Variants in NPHP4 observed in about 807,000 individuals in gnomAD.
NPHP4 encodes the protein nephrocystin-4.
In NPHP4, 151 loss-of-function variants were observed where a neutral mutation model predicts 155.8. The ratio of observed to expected loss-of-function variants is 0.97; its 90% CI spans 0.85 to 1.11. NPHP4 has a LOEUF of 1.11. Ranked by LOEUF, NPHP4 falls within the 50% of genes least tolerant of loss-of-function variation. NPHP4 has a pLI of 0.00. For synonymous variants in NPHP4, 845 were observed against 816.8 expected (o/e 1.03, Z -0.59); for missense variants, 1,956 against 1,925.7 (o/e 1.02, Z -0.29).
At chr1:5,872,313 G>T (rs193293220) in intron 23 of NPHP4, among the ~76,000 whole-genome samples, 1 of 152,216 alleles carries the variant, frequency 6.6e-6, no homozygotes, top group African/African-American at 2.4e-5. Flanking sequence ...GGTAAGGCCC[G>T]TCTTTGCTGC....
At chr1:5,916,353 G>A (rs150957294) in intron 11 of NPHP4, among the ~76,000 whole-genome samples, 2,139 of 152,260 alleles carry the variant, frequency 0.014, 40 homozygotes, top group Middle Eastern at 0.065. Context: ...AAATACTGAA[G>A]TATGAAAAGT....
rs533621639 is a variant in NPHP4 at position 5,980,013 on chromosome 1, C to T, written c.136-1600G>A. Among the ~76,000 whole-genome samples, 14 of 152,254 alleles carry T rather than the reference C, an allele frequency of 9.2e-5. 1 individual carries two copies. The South Asian group carries it at 2.7e-3, about 29-fold the overall frequency. ...TGGCTCACACACCCCAGGAGTCCCA[C>T]CCTCTGCCATGGTCTCTCAGGGTCA... On this transcript the variant is annotated intron_variant, in intron 2 of 29. Coordinates refer to ENST00000378156, the MANE Select transcript of NPHP4 (RefSeq NM_015102.5).
intron 11 of NPHP4, among the ~76,000 whole-genome samples, chr1:5,921,819 T>C (rs1645752841): frequency 6.6e-6 from 1 of 152,262 alleles, no homozygotes; most frequent in Non-Finnish European, 1.5e-5. Flanking sequence ...TTTATTATTG[T>C]ACATGACATG....
chr1:5,986,270 A>T lies in NPHP4; in HGVS notation c.20T>A (p.Ile7Asn), dbSNP rs375883167. 17 of 1,613,714 alleles carry T rather than the reference A, an allele frequency of 1.1e-5. No homozygotes were observed. The highest frequency in any genetic ancestry group is 1.7e-5 in the Admixed American group (1 of 59,988). ...AGGGACAAGCACGTTTTGGGTGAAGATCCTGTGCCAGTCGTTCATCCTGCC... is the reference window on the plus strand; with the variant it reads ...AGGGACAAGCACGTTTTGGGTGAAGTTCCTGTGCCAGTCGTTCATCCTGCC... Reference protein sequence around the residue: MNDWHRIFTQNVLVPPH... With the variant: MNDWHRNFTQNVLVPPH... Residue 7 changes from isoleucine to asparagine, a missense_variant, in exon 2 of 30, where the codon ATC (isoleucine) becomes AAC (asparagine). By Grantham distance (149) the Ile-to-Asn change is moderately radical. Coordinates refer to ENST00000378156, the MANE Select transcript of NPHP4 (RefSeq NM_015102.5).
intron 9 of NPHP4, among the ~76,000 whole-genome samples, chr1:5,937,104 G>A (rs1646581352): frequency 6.6e-6 from 1 of 152,186 alleles, no homozygotes; most frequent in Non-Finnish European, 1.5e-5. Context: ...AACCTCCGGA[G>A]GAACTCAGTC....
chr1:5,904,974 C>A (rs930073320), intron 15 of NPHP4, among the ~76,000 whole-genome samples, 170 bp from the exon 16 acceptor site: 25 of 152,202 alleles, frequency 1.6e-4, no homozygotes. Flanking sequence ...AGCAAGCCGG[C>A]CAGACAGCAG....
At position 5,936,755 on chromosome 1, in the gene NPHP4, C is replaced by A. The variant is rs535523126; in HGVS notation, c.1120-3426G>T. 3.0e-4 allele frequency among the ~76,000 whole-genome samples: 46 copies of A among 152,306 alleles called. 2 individuals carry two copies. In the South Asian group the frequency reaches 7.0e-3, roughly 23 times the overall value. On this transcript the variant is annotated intron_variant, in intron 9 of 29. Transcript: ENST00000378156. Reference sequence around the variant, plus strand: ...AGGCCCTTGGCCTCTGGAAATGCTACAAACCAGAGTCCCTGTGGCGGGCTC... The same window carrying A: ...AGGCCCTTGGCCTCTGGAAATGCTAAAAACCAGAGTCCCTGTGGCGGGCTC...
intron 18 of NPHP4, 176 bp from the exon 19 acceptor site, chr1:5,880,415 G>A (rs910573110): frequency 2.3e-5 from 14 of 612,720 alleles, no homozygotes; most frequent in East Asian, 1.7e-4. Flanking sequence ...GTGGGAGCTC[G>A]TTCTGCTGCG....
At chr1:5,911,384 G>A (rs146978252) in intron 11 of NPHP4, among the ~76,000 whole-genome samples, 4 of 152,322 alleles carry the variant, frequency 2.6e-5, no homozygotes, top group Admixed American at 2.0e-4. Context: ...TGATAATGAG[G>A]ACAAATTGCC....
At chr1:5,951,283 G>A (rs898219231) in intron 7 of NPHP4, among the ~76,000 whole-genome samples, 2 of 152,222 alleles carry the variant, frequency 1.3e-5, no homozygotes, top group Non-Finnish European at 2.9e-5. Flanking sequence ...GCGCTTCTGC[G>A]GGACTCATCA....
intron 6 of NPHP4, among the ~76,000 whole-genome samples, chr1:5,955,547 C>T (rs1001572671): frequency 2.0e-5 from 3 of 152,246 alleles, no homozygotes; most frequent in Admixed American, 6.5e-5. Context: ...GGAGTACTTA[C>T]GCAACCACGA....
chr1:5,968,822 T>G (rs1652005941), intron 4 of NPHP4, among the ~76,000 whole-genome samples: 2 of 151,846 alleles, frequency 1.3e-5, no homozygotes, highest in South Asian at 4.1e-4. Flanking sequence ...TCACTTGAGG[T>G]CAGGAGTTCG....
chr1:5,982,097 T>C (rs1654799753), intron 2 of NPHP4, among the ~76,000 whole-genome samples: 1 of 152,178 alleles, frequency 6.6e-6, no homozygotes, highest in Non-Finnish European at 1.5e-5. Context: ...ATACTGGTAG[T>C]CTGTGTTTTC....
chr1:5,912,153 C>T (rs372054261), intron 11 of NPHP4, among the ~76,000 whole-genome samples: 1 of 152,210 alleles, frequency 6.6e-6, no homozygotes, highest in African/African-American at 2.4e-5. Context: ...CTCAGCAGAA[C>T]CCGGCAGATC....
rs562381347 is a variant in NPHP4, at chr1:5,988,914, CCAGACTCAGT to C, written c.-38-2597_-38-2588del. ...CATGTGGGCCAGGTATTCCTGAGGA[CCAGACTCAGT>C]CTGGTCCTGTGTGAATCCAGCAGGC... On this transcript the variant is annotated intron_variant, in intron 1 of 29. Transcript: ENST00000378156. 5.5e-3 allele frequency among the ~76,000 whole-genome samples: 833 copies of C among 152,280 alleles called. 8 individuals are homozygous for C. The highest frequency in any genetic ancestry group is 0.018 in the African/African-American group (757 of 41,554).
chr1:5,875,817 G>A (rs372383984), intron 20 of NPHP4: 37 of 152,860 alleles, frequency 2.4e-4, no homozygotes, highest in Admixed American at 8.4e-4. Flanking sequence ...CGCTGCGGCC[G>A]GGCGCTGGGA....
At chr1:5,914,605 G>T (rs1292171324) in intron 11 of NPHP4, among the ~76,000 whole-genome samples, 1 of 152,216 alleles carries the variant, frequency 6.6e-6, no homozygotes. Context: ...CAAGGGGAAA[G>T]GAAGGACATG....
chr1:5,984,034 C>T lies in NPHP4; in HGVS notation c.135+2121G>A, dbSNP rs191030918. Among the ~76,000 whole-genome samples the T allele has an allele frequency of 4.6e-5, 7 of 152,174 alleles. No individual in the cohort carries two copies. In the East Asian group the frequency reaches 1.2e-3, roughly 25 times the overall value. ...GAATTATTCTACAGACATATCTGTA[C>T]ATGAAAAAAATGAGGTTATTCACTG... On this transcript the variant is annotated intron_variant, in intron 2 of 29. Transcript: ENST00000378156.
Position 5,947,268 on chromosome 1 carries a change from C to G in NPHP4, c.993-38G>C, listed in dbSNP as rs144204852. ...CACAAACCAGGGACACATTAGAGCTCGAGCTCCCATCCTTCCCGCATCCAC... is the reference window on the plus strand; with the variant it reads ...CACAAACCAGGGACACATTAGAGCTGGAGCTCCCATCCTTCCCGCATCCAC... On this transcript the variant is annotated intron_variant, in intron 8 of 29. Coordinates refer to ENST00000378156, the MANE Select transcript of NPHP4 (RefSeq NM_015102.5). 3.6e-4 allele frequency: 580 copies of G among 1,607,212 alleles called. 1 individual carries two copies. The African/African-American group carries it at 7.0e-3, about 19-fold the overall frequency.
Sources: allele counts gnomAD v4.1 joint callset (sites outside exome capture counted in the v4.1 genomes callset), GRCh38; gene constraint gnomAD v4.1.1; transcripts MANE v1.5; gene names NCBI Gene and HGNC (gene_info 2026-07-23, HGNC 2026-07-21).